EGFR: variants seen among roughly 807,000 people sequenced by gnomAD.
EGFR encodes the protein epidermal growth factor receptor, also known as avian erythroblastic leukemia viral (v-erb-b) oncogene homolog.
EGFR carries 58 observed loss-of-function variants against 143.0 expected under a neutral mutation model. The ratio of observed to expected loss-of-function variants is 0.41; its 90% CI spans 0.33 to 0.50. EGFR has a LOEUF of 0.50. Ranked by LOEUF, EGFR falls within the 20% of genes least tolerant of loss-of-function variation. EGFR has a pLI of 0.39. For synonymous variants in EGFR, 613 were observed against 594.4 expected (o/e 1.03, Z -0.45); for missense variants, 1,307 against 1,579.0 (o/e 0.83, Z 2.92).
At position 55,173,026 on chromosome 7, in the gene EGFR, C is replaced by G. The variant is rs767037049; in HGVS notation, c.1963C>G (p.Leu655Val). The change falls in exon 17 of 28, where the codon CTC becomes GTC. Residue 655 changes from leucine to valine, a missense_variant. Physicochemically the swap from Leu to Val is conservative, Grantham distance 32 (BLOSUM62 1). Around this residue, in one of 7 missense-constraint regions of EGFR, gnomAD observed 348 missense variants for 451.5 expected, o/e 0.77. Transcript: ENST00000275493. ...SIATGMVGAL[L>V]LLLVVALGIG... ...CGCCACTGGGATGGTGGGGGCCCTC[C>G]TCTTGCTGCTGGTGGTGGCCCTGGG... The G allele has an allele frequency of 2.5e-6, 4 of 1,614,124 alleles. No individual in the cohort carries two copies. In the South Asian group the frequency reaches 4.4e-5, roughly 18 times the overall value.
At chr7:55,095,113 T>C (rs17336094) in intron 1 of EGFR, among the ~76,000 whole-genome samples, 3,007 of 152,302 alleles carry the variant, frequency 0.02, 59 homozygotes, top group African/African-American at 0.055. Flanking sequence ...GCACAGCTCA[T>C]GCCCAAGCCA....
At chr7:55,153,241 G>T (rs17336612) in intron 6 of EGFR, among the ~76,000 whole-genome samples, 2,345 of 152,300 alleles carry the variant, frequency 0.015, 46 homozygotes, top group Middle Eastern at 0.048. Flanking sequence ...ACTCACTGTC[G>T]CCCCATTGCT....
intron 20 of EGFR, among the ~76,000 whole-genome samples, chr7:55,182,728 G>A (rs536723199): frequency 3.9e-5 from 6 of 152,222 alleles, no homozygotes; most frequent in African/African-American, 1.2e-4. Context: ...GCGGCCCCCA[G>A]CACCCCAGGA....
Position 55,200,504 on chromosome 7 carries a change from C to G in EGFR, c.2946+91C>G, listed in dbSNP as rs17337458. The stretch of plus-strand genomic sequence containing the variant: ...TTCTGTCACATGCCAGCCTGGCCTC[C>G]CTGTGTCCCAGATCGCATTATTAAA... On this transcript the variant is annotated intron_variant, in intron 24 of 27. Coordinates refer to ENST00000275493, the MANE Select transcript of EGFR (RefSeq NM_005228.5). 1,561 of 1,298,922 alleles carry G rather than the reference C, an allele frequency of 1.2e-3. 23 individuals carry two copies. In the African/African-American group the frequency reaches 0.02, roughly 16 times the overall value. The allele number at this position is 1,298,922 out of a possible 1,614,324, so 80.5% of individuals were successfully genotyped here.
intron 11 of EGFR, among the ~76,000 whole-genome samples, chr7:55,158,779 G>A (rs560640443): frequency 1.3e-5 from 2 of 152,334 alleles, no homozygotes; most frequent in African/African-American, 4.8e-5. Flanking sequence ...TGCCCTGCAA[G>A]GAAAACCTGG....
chr7:55,157,182 G>C (rs1418142542), intron 10 of EGFR, among the ~76,000 whole-genome samples: 1 of 152,264 alleles, frequency 6.6e-6, no homozygotes, highest in East Asian at 1.9e-4. Context: ...CCAGAGCCTT[G>C]TGGGGCCACG....
At chr7:55,165,236 A>G in intron 14 of EGFR, 44 bp from the exon 15 acceptor site, 2 of 1,613,508 alleles carry the variant, frequency 1.2e-6, no homozygotes, top group South Asian at 2.2e-5. Flanking sequence ...TTGAAAGAGA[A>G]AAGAAAGAGA....
At chr7:55,037,645 A>G (rs1458344502) in intron 1 of EGFR, among the ~76,000 whole-genome samples, 1 of 152,222 alleles carries the variant, frequency 6.6e-6, no homozygotes, top group African/African-American at 2.4e-5. Context: ...TTTGCCTTGA[A>G]AAATCTTTAT....
rs41499254 is a variant in EGFR, at chr7:55,200,128, C to T, written c.2849-188C>T. 6.8e-3 allele frequency among the ~76,000 whole-genome samples: 1,030 copies of T among 152,316 alleles called. 11 individuals are homozygous for T. Among genetic ancestry groups the T allele is most frequent in the African/African-American group, 0.024 (986 of 41,566 alleles). ...GTTATTCTGATTCAAATGTACAGTG[C>T]TGGCATGGTCTTTAAACAGTAACCA... On this transcript the variant is annotated intron_variant, in intron 23 of 27. Coordinates refer to ENST00000275493, the MANE Select transcript of EGFR (RefSeq NM_005228.5).
chr7:55,025,473 G>A (rs1786828178), intron 1 of EGFR, among the ~76,000 whole-genome samples: 1 of 152,068 alleles, frequency 6.6e-6, no homozygotes, highest in Admixed American at 6.5e-5. Context: ...TGGGACTGCA[G>A]GGAAGGGAAG....
At chr7:55,170,217 G>T in intron 15 of EGFR, 1 of 1,608,986 alleles carries the variant, frequency 6.2e-7, no homozygotes, top group Non-Finnish European at 8.5e-7. Context: ...GGAGAGCAGA[G>T]ATAGAAACTG....
At chr7:55,038,385 A>G (rs1047068621) in intron 1 of EGFR, among the ~76,000 whole-genome samples, 5 of 152,188 alleles carry the variant, frequency 3.3e-5, no homozygotes, top group African/African-American at 1.2e-4. Context: ...GCAGCCTCCC[A>G]AAGACAGAAG....
At chr7:55,055,057 A>G (rs549149621) in intron 1 of EGFR, among the ~76,000 whole-genome samples, 1 of 152,244 alleles carries the variant, frequency 6.6e-6, no homozygotes, top group East Asian at 1.9e-4. Context: ...CATTTCCCCG[A>G]TGGGGGGTTT....
rs144496976 is a variant in EGFR at position 55,200,352 on chromosome 7, G to A, written c.2885G>A (p.Arg962His). Residue 962 changes from arginine (R) to histidine (H), a missense_variant, in exon 24 of 28, where the codon CGT becomes CAT. Coordinates refer to ENST00000275493, the MANE Select transcript of EGFR (RefSeq NM_005228.5). ...MIDADSRPKF[R>H]ELIIEFSKMA... ...GACGCAGATAGTCGCCCAAAGTTCC[G>A]TGAGTTGATCATCGAATTCTCCAAA... is the stretch of plus-strand genomic sequence containing the variant. 2.3e-4 allele frequency: 369 copies of A among 1,614,084 alleles called. 2 individuals carry two copies. Among genetic ancestry groups the A allele is most frequent in the South Asian group, 6.3e-4 (57 of 91,064 alleles).
intron 1 of EGFR, among the ~76,000 whole-genome samples, chr7:55,099,690 A>G (rs1293505190): frequency 6.6e-6 from 1 of 152,172 alleles, no homozygotes; most frequent in Non-Finnish European, 1.5e-5. Context: ...TGGGAGCTGC[A>G]CAGGCAGACT....
intron 15 of EGFR, among the ~76,000 whole-genome samples, chr7:55,166,126 G>C (rs1785966477): frequency 6.6e-6 from 1 of 151,978 alleles, no homozygotes; most frequent in African/African-American, 2.4e-5. Context: ...ACTCCAGCCT[G>C]AGCACCAAGA....
At chr7:55,197,681 T>C (rs1787673782) in intron 22 of EGFR, among the ~76,000 whole-genome samples, 1 of 152,234 alleles carries the variant, frequency 6.6e-6, no homozygotes, top group African/African-American at 2.4e-5. Context: ...GTTTGTTCTT[T>C]AAATACCTAG....
chr7:55,173,831 C>T (rs2128953324), intron 17 of EGFR, 90 bp from the exon 18 acceptor site: 1 of 1,608,256 alleles, frequency 6.2e-7, no homozygotes, highest in Non-Finnish European at 8.5e-7. Context: ...GCCGTGGCTG[C>T]TGGTCCCCCT....
chr7:55,035,313 A>G (rs987003105), intron 1 of EGFR, among the ~76,000 whole-genome samples: 2 of 152,012 alleles, frequency 1.3e-5, no homozygotes, highest in African/African-American at 4.8e-5. Flanking sequence ...TATTTTTTCA[A>G]TTTCTTTTAA....
Sources: allele counts gnomAD v4.1 joint callset (sites outside exome capture counted in the v4.1 genomes callset), GRCh38; gene constraint gnomAD v4.1.1; regional missense constraint gnomAD v4.1.1; transcripts MANE v1.5; gene names NCBI Gene and HGNC (gene_info 2026-07-23, HGNC 2026-07-21).